The following ANGEL2 variants were observed in gnomAD, a reference collection of about 807,000 sequenced individuals.
ANGEL2 encodes the protein RNA 2',3'-cyclic phosphatase ANGEL2.
In ANGEL2, 41 loss-of-function variants were observed where a neutral mutation model predicts 66.0. The ratio of observed to expected loss-of-function variants is 0.62; its 90% confidence interval spans 0.48 to 0.81. The LOEUF (loss-of-function observed/expected upper bound fraction) is 0.81, where lower values mean the gene tolerates loss of function less well. Among genes scored for constraint, ANGEL2 ranks in the 30% least tolerant of loss-of-function variants. ANGEL2 has a pLI of 0.00. For missense variants in ANGEL2, 561 were observed against 641.6 expected, an observed-to-expected ratio of 0.87 and a Z score of 1.36; for synonymous variants, 208 against 226.5, an observed-to-expected ratio of 0.92 and a Z score of 0.73.
chr1:213,015,388 G>C, intron 1 of ANGEL2: 18 of 1,413,460 alleles, frequency 1.3e-5, no homozygotes, highest in Non-Finnish European at 1.7e-5. Context: ...TCCGCGCCAA[G>C]ACCCCAGACC....
intron 2 of ANGEL2, among the ~76,000 whole-genome samples, chr1:213,012,524 T>C (rs912219437): frequency 2.0e-5 from 3 of 152,172 alleles, no homozygotes; most frequent in Admixed American, 2.0e-4. Context: ...TAAGATGTGG[T>C]TCCCTTTCTT....
chr1:212,992,993 A>C lies in ANGEL2; in HGVS notation c.*2048T>G, dbSNP rs2075894526. ...ATAAAATGTGGGAAATCCTAGAACT[A>C]TAATTAATACTGTAATTAAAATCCC... On this transcript the variant is annotated 3_prime_UTR_variant, in exon 9 of 9. Coordinates refer to ENST00000366962, the MANE Select transcript of ANGEL2 (RefSeq NM_144567.5). 1 of 152,200 alleles carries C rather than the reference A, an allele frequency of 6.6e-6. No homozygotes were observed. The highest frequency in any genetic ancestry group is 1.5e-5 in the Non-Finnish European group (1 of 68,036). 9.4% of individuals were successfully genotyped at this position (152,200 alleles called of 1,614,324 possible).
intron 5 of ANGEL2, among the ~76,000 whole-genome samples, chr1:213,004,226 C>G (rs1437826448): frequency 1.3e-5 from 2 of 151,786 alleles, no homozygotes; most frequent in East Asian, 3.9e-4. Context: ...TAATTTTAAA[C>G]TATTACTCAA....
intron 4 of ANGEL2, among the ~76,000 whole-genome samples, chr1:213,006,082 G>A (rs907350432): frequency 7.9e-5 from 12 of 152,126 alleles, no homozygotes; most frequent in Non-Finnish European, 1.5e-4. Flanking sequence ...CCACACAAGG[G>A]AGAAATTTTT....
At chr1:212,999,476 A>T (rs868209297) in intron 7 of ANGEL2, among the ~76,000 whole-genome samples, 26 of 152,312 alleles carry the variant, frequency 1.7e-4, no homozygotes, top group Middle Eastern at 6.8e-3. Context: ...AAATTTTTTT[A>T]AAAATTGCTT....
intron 8 of ANGEL2, among the ~76,000 whole-genome samples, chr1:212,996,646 T>A (rs376959912): frequency 0.39 from 32,915 of 84,262 alleles, 8,958 homozygotes; most frequent in Non-Finnish European, 0.58. Flanking sequence ...AAAAAATATA[T>A]ATATATATAT....
In ANGEL2 at chr1:212,992,376, C is replaced by G. The variant is rs2075881315; in HGVS notation, c.*2665G>C. The G allele has an allele frequency of 6.6e-6, 1 of 152,154 alleles. No homozygotes were observed. The highest frequency in any genetic ancestry group is 1.5e-5 in the Non-Finnish European group (1 of 68,020). 9.4% of individuals were successfully genotyped at this position (152,154 alleles called of 1,614,324 possible). Reference sequence around the variant, plus strand: ...AATATTATCTTGATAGCAAAAGGTACAGTAAAACCAAAATTTCATTACTCC... The same window carrying G: ...AATATTATCTTGATAGCAAAAGGTAGAGTAAAACCAAAATTTCATTACTCC... On this transcript the variant is annotated 3_prime_UTR_variant, in exon 9 of 9. Coordinates refer to ENST00000366962, the MANE Select transcript of ANGEL2 (RefSeq NM_144567.5).
intron 2 of ANGEL2, among the ~76,000 whole-genome samples, chr1:213,008,676 T>TA (rs755219062): frequency 6.6e-6 from 1 of 152,030 alleles, no homozygotes; most frequent in Non-Finnish European, 1.5e-5. Flanking sequence ...CCAACAGGTT[T>TA]AAAACAGGTT....
chr1:213,013,511 C>T, intron 1 of ANGEL2, 93 bp from the exon 2 acceptor site: 2 of 1,185,816 alleles, frequency 1.7e-6, no homozygotes, highest in Non-Finnish European at 2.4e-6. Flanking sequence ...AAGGTAATGT[C>T]TAATATTTAA....
chr1:212,995,193 CTACAT>C lies in ANGEL2; in HGVS notation c.1484-6_1484-2del, dbSNP rs971235958. ...CCACCAACCAAAGCAACTTCAGCTC[CTACAT>C]TAAAGAAGCACACACATATTTAGTA... is the stretch of plus-strand genomic sequence containing the variant. On this transcript the variant is annotated splice_acceptor_variant and splice_polypyrimidine_tract_variant and intron_variant, in intron 8 of 8. Transcript: ENST00000366962. LOFTEE classifies it high-confidence loss of function. 3.8e-6 allele frequency: 6 copies of C among 1,597,458 alleles called. No individual in the cohort carries two copies. Among genetic ancestry groups the C allele is most frequent in the South Asian group, 3.4e-5 (3 of 87,804 alleles).
At chr1:212,996,540 T>C (rs2076012530) in intron 8 of ANGEL2, among the ~76,000 whole-genome samples, 1 of 145,624 alleles carries the variant, frequency 6.9e-6, no homozygotes, top group Admixed American at 7.0e-5. Context: ...GAAGGTCACT[T>C]GAACCCGGGA....
intron 7 of ANGEL2, 56 bp downstream of exon 7, chr1:213,000,270 G>T: frequency 6.8e-7 from 1 of 1,471,544 alleles, no homozygotes; most frequent in Non-Finnish European, 9.5e-7. Context: ...TTTGAGAAAT[G>T]AGTTTTTTAT....
At position 212,999,142 on chromosome 1, in the gene ANGEL2, G is replaced by C. The variant is rs1339370376; in HGVS notation, c.1319+1184C>G. The stretch of plus-strand genomic sequence containing the variant: ...CCACCTCAGCCTCCCAAAGTGCCGA[G>C]ATTACAGGCACGAGCCACCACGCCC... On this transcript the variant is annotated intron_variant, in intron 7 of 8. Coordinates refer to ENST00000366962, the MANE Select transcript of ANGEL2 (RefSeq NM_144567.5). Among the ~76,000 whole-genome samples, 5 of 151,992 alleles carry C rather than the reference G, an allele frequency of 3.3e-5. No individual in the cohort carries two copies. The East Asian group carries it at 9.6e-4, about 29-fold the overall frequency.
Position 213,008,281 on chromosome 1 carries a change from G to A in ANGEL2, c.571C>T (p.Arg191Trp), listed in dbSNP as rs534366598. 54 of 1,613,930 alleles carry A rather than the reference G, an allele frequency of 3.3e-5. No homozygotes were observed. In the East Asian group the frequency reaches 9.8e-4, roughly 29 times the overall value. Residue 191 changes from arginine (R) to tryptophan (W), a missense_variant, in exon 3 of 9, where the codon CGG becomes TGG. Arg to Trp is a moderately radical substitution (Grantham distance 101). Transcript: ENST00000366962. ...EDNSHLYRHCRRPVLHWSFRF... is the reference protein window; with the variant it reads ...EDNSHLYRHCWRPVLHWSFRF... ...AAACTCCAGTGTAATACTGGCCGCC[G>A]GCAATGTCTATAAAGGTGAGAGTTA...
chr1:213,002,912 T>C (rs1235609100), intron 5 of ANGEL2, among the ~76,000 whole-genome samples: 1 of 136,764 alleles, frequency 7.3e-6, no homozygotes, highest in Non-Finnish European at 1.6e-5. Flanking sequence ...CGCGAGATCC[T>C]GTCTCAAAAA....
chr1:213,013,960 A>G (rs2076573025), intron 1 of ANGEL2, among the ~76,000 whole-genome samples: 2 of 152,202 alleles, frequency 1.3e-5, no homozygotes, highest in Admixed American at 1.3e-4. Context: ...ATAAATTCAC[A>G]AAACTACTTC....
chr1:213,007,969 T>C (rs542261487), intron 3 of ANGEL2, among the ~76,000 whole-genome samples: 18 of 152,140 alleles, frequency 1.2e-4, no homozygotes, highest in African/African-American at 4.1e-4. Context: ...GTTCAAGTGA[T>C]TCTCCTGCCT....
In ANGEL2 at chr1:213,013,310, C is replaced by T. The variant is rs2076555662; in HGVS notation, c.168G>A (p.Arg56=). Residue 56 remains arginine (R), a synonymous_variant, in exon 2 of 9, where the codon AGG becomes AGA. Coordinates refer to ENST00000366962, the MANE Select transcript of ANGEL2 (RefSeq NM_144567.5). ...CWNRHISSCM[R]WPGHYSRAPY... ...GAGCTCGAGAGTAATGTCCAGGCCA[C>T]CTCATACAACTAGAAATATGTCTGT... 4.3e-6 allele frequency: 7 copies of T among 1,614,038 alleles called. No individual in the cohort carries two copies. The African/African-American group carries it at 6.7e-5, about 15-fold the overall frequency.
At chr1:212,999,463 A>T (rs906297799) in intron 7 of ANGEL2, among the ~76,000 whole-genome samples, 2 of 152,204 alleles carry the variant, frequency 1.3e-5, no homozygotes, top group Non-Finnish European at 2.9e-5. Context: ...ATATTCATTT[A>T]AAAAATTTTT....
Sources: allele counts gnomAD v4.1 joint callset (sites outside exome capture counted in the v4.1 genomes callset), GRCh38; gene constraint gnomAD v4.1.1; transcripts MANE v1.5; gene names NCBI Gene and HGNC (gene_info 2026-07-23, HGNC 2026-07-21).